TCOF1: variants seen among roughly 807,000 people sequenced by gnomAD.
The protein encoded by TCOF1 is treacle protein.
Under a neutral mutation model 149.0 loss-of-function variants are expected in TCOF1, and 33 were observed. The observed-to-expected ratio is 0.22, with a 90% CI of 0.17 to 0.30. TCOF1 has a LOEUF of 0.30. Among genes scored for constraint, TCOF1 ranks in the 10% least tolerant of loss-of-function variants. The pLI is 1.00. For synonymous variants in TCOF1, 789 were observed against 738.8 expected, an observed-to-expected ratio of 1.07 and a Z score of -1.10; for missense variants, 1,728 against 1,840.7, an observed-to-expected ratio of 0.94 and a Z score of 1.12.
intron 17 of TCOF1, chr5:150,384,913 AG>A (rs549156021): frequency 3.6e-4 from 357 of 985,392 alleles, no homozygotes; most frequent in Admixed American, 1.5e-3. Flanking sequence ...GATTGAGGCC[AG>A]GGTGGTGGGC....
At chr5:150,374,425 GT>G (rs1562339512) in intron 8 of TCOF1, 39 bp downstream of exon 8, 1 of 1,550,492 alleles carries the variant, frequency 6.4e-7, no homozygotes. Flanking sequence ...AGCCAGGCCC[GT>G]CCCCAGAAGG....
intron 6 of TCOF1, among the ~76,000 whole-genome samples, chr5:150,371,707 G>A (rs1397388334): frequency 3.9e-5 from 6 of 152,204 alleles, no homozygotes; most frequent in African/African-American, 1.4e-4. Context: ...CTCAGGCCAA[G>A]CCCGGTGTGT....
At chr5:150,367,101 C>G (rs1043428033) in intron 3 of TCOF1, among the ~76,000 whole-genome samples, 4 of 151,898 alleles carry the variant, frequency 2.6e-5, no homozygotes, top group African/African-American at 4.8e-5. Flanking sequence ...GTCAGGAGAT[C>G]AAGACCATCC....
Position 150,376,258 on chromosome 5 carries a change from A to G in TCOF1, c.2070A>G (p.Ala690=), listed in dbSNP as rs1218237569. 1.2e-6 allele frequency: 2 copies of G among 1,614,118 alleles called. No homozygotes were observed. The highest frequency in any genetic ancestry group is 1.7e-6 in the Non-Finnish European group (2 of 1,180,042). ...TGGCTGGGGGCACCCAGAGACCAGCAGAGGATTCTTCAAGCAGTGAGGAAT... is the reference window on the plus strand; with the variant it reads ...TGGCTGGGGGCACCCAGAGACCAGCGGAGGATTCTTCAAGCAGTGAGGAAT... ...PAVAGGTQRP[A]EDSSSSEESD... Residue 690 remains alanine (A), a synonymous_variant, in exon 13 of 27, where the codon GCA becomes GCG. Transcript: ENST00000643257.
At chr5:150,393,934 C>T (rs1463649146) in intron 23 of TCOF1, 5 of 319,254 alleles carry the variant, frequency 1.6e-5, no homozygotes, top group Non-Finnish European at 3.1e-5. Context: ...TGACTTGAAG[C>T]CAGGAGGTTG....
In TCOF1 at chr5:150,375,476, G is replaced by A. The variant is rs750136296; in HGVS notation, c.1626G>A (p.Glu542=). 1.1e-5 allele frequency: 18 copies of A among 1,614,058 alleles called. No individual in the cohort carries two copies. The South Asian group carries it at 1.6e-4, about 15-fold the overall frequency. ...ATPSAQVGKW[E]EDSESSSEES... The stretch of plus-strand genomic sequence containing the variant: ...CCTCAGCCCAGGTGGGGAAGTGGGA[G>A]GAGGACTCAGAGAGCAGTAGTGAGG... Residue 542 remains glutamate, a synonymous_variant, in exon 11 of 27, where the codon GAG becomes GAA. Transcript: ENST00000643257.
intron 9 of TCOF1, 61 bp downstream of exon 9, chr5:150,374,872 T>A: frequency 6.2e-7 from 1 of 1,611,274 alleles, no homozygotes; most frequent in South Asian, 1.1e-5. Context: ...CCTGCATGGG[T>A]GTGGCCACCT....
chr5:150,370,045 C>T (rs1394460559), intron 6 of TCOF1, among the ~76,000 whole-genome samples: 1 of 152,152 alleles, frequency 6.6e-6, no homozygotes, highest in African/African-American at 2.4e-5. Flanking sequence ...AATGCCAGGC[C>T]TAGACACTTG....
intron 1 of TCOF1, among the ~76,000 whole-genome samples, chr5:150,359,981 C>G (rs114941450): frequency 0.013 from 1,978 of 152,138 alleles, 50 homozygotes; most frequent in African/African-American, 0.045. Flanking sequence ...AGAGAACATT[C>G]CAGACAAGAA....
At chr5:150,369,786 C>CT (rs1395208243) in intron 6 of TCOF1, among the ~76,000 whole-genome samples, 184 bp downstream of exon 6, 1 of 152,126 alleles carries the variant, frequency 6.6e-6, no homozygotes, top group Non-Finnish European at 1.5e-5. Context: ...TTGCTGCACT[C>CT]TGAGTGTGAG....
Position 150,376,201 on chromosome 5 carries a change from T to C in TCOF1, c.2013T>C (p.Thr671=). 1 of 1,614,196 alleles carries C rather than the reference T, an allele frequency of 6.2e-7. No individual in the cohort carries two copies. The change falls in exon 13 of 27, where the codon ACT becomes ACC. Residue 671 remains threonine (T), a synonymous_variant. Coordinates refer to ENST00000643257, the MANE Select transcript of TCOF1 (RefSeq NM_001371623.1). ...VGTQAPRKAG[T]ATSPAGSSPA... ...CCCAAGCCCCCCGGAAAGCAGGAAC[T>C]GCGACTTCTCCAGCAGGCTCATCCC... is the stretch of plus-strand genomic sequence containing the variant.
chr5:150,386,266 G>C (rs1437335145), intron 17 of TCOF1, among the ~76,000 whole-genome samples: 1 of 152,160 alleles, frequency 6.6e-6, no homozygotes, highest in Non-Finnish European at 1.5e-5. Context: ...ATCCCAAGAC[G>C]CTATTGTTTG....
At chr5:150,375,967 C>A in intron 12 of TCOF1, 58 bp downstream of exon 12, 2 of 1,613,858 alleles carry the variant, frequency 1.2e-6, no homozygotes, top group South Asian at 2.2e-5. Context: ...ACAGTCAGCA[C>A]CCCCGGGGAG....
At chr5:150,369,107 C>T (rs1415240079) in intron 5 of TCOF1, among the ~76,000 whole-genome samples, 1 of 152,262 alleles carries the variant, frequency 6.6e-6, no homozygotes, top group Non-Finnish European at 1.5e-5. Flanking sequence ...GAACAGCCCA[C>T]CTGGTGGTTG....
At chr5:150,367,559 T>C in intron 3 of TCOF1, 1 of 433,652 alleles carries the variant, frequency 2.3e-6, no homozygotes, top group Non-Finnish European at 4.3e-6. Context: ...GGGCCAGTCC[T>C]TTTCCCTCCA....
At chr5:150,399,000 T>C (rs775185807) in intron 25 of TCOF1, 22 bp from the exon 26 acceptor site, 2 of 1,614,198 alleles carry the variant, frequency 1.2e-6, no homozygotes, top group Non-Finnish European at 1.7e-6. Flanking sequence ...TCTGAGAGCC[T>C]CTCGTACTTC....
intron 17 of TCOF1, chr5:150,384,492 G>A (rs1765867897): frequency 4.1e-6 from 4 of 985,456 alleles, no homozygotes; most frequent in Non-Finnish European, 3.6e-6. Flanking sequence ...CCTGGGCTTG[G>A]GCATTGCCCT....
At chr5:150,378,176 T>C (rs1170838938) in intron 14 of TCOF1, among the ~76,000 whole-genome samples, 1 of 152,194 alleles carries the variant, frequency 6.6e-6, no homozygotes, top group Non-Finnish European at 1.5e-5. Flanking sequence ...TGGGGTTGTT[T>C]TCTGACACTG....
intron 2 of TCOF1, among the ~76,000 whole-genome samples, chr5:150,362,559 A>G (rs1461630918): frequency 6.6e-6 from 1 of 152,190 alleles, no homozygotes. Context: ...TTCTGAATAT[A>G]ATGACATCAG....
Sources: gnomAD v4.1 joint callset for allele counts (sites outside exome capture counted in the v4.1 genomes callset) on GRCh38, gnomAD v4.1.1 for gene constraint, MANE v1.5 for transcripts, NCBI Gene and HGNC (gene_info 2026-07-23, HGNC 2026-07-21) for gene names.